The following MEPE variants were observed in gnomAD, a reference collection of about 807,000 sequenced individuals.
MEPE encodes matrix, extracellular phosphoglycoprotein with ASARM motif (bone).
In MEPE, 7 loss-of-function variants were observed where a neutral mutation model predicts 7.3. The ratio of observed to expected loss-of-function variants is 0.95; its 90% CI spans 0.54 to 1.79. MEPE has a LOEUF of 1.79. Among genes scored for constraint, MEPE ranks in the 40% most tolerant of loss-of-function variants. MEPE has a pLI of 0.00. For missense variants in MEPE, 623 were observed against 628.2 expected, an observed-to-expected ratio of 0.99 and a Z score of 0.09; for synonymous variants, 214 against 213.1, an observed-to-expected ratio of 1.00 and a Z score of -0.04.
In MEPE at chr4:87,845,519, A is replaced by G; in HGVS notation, c.651A>G (p.Gln217=). The G allele has an allele frequency of 5.0e-6, 8 of 1,613,278 alleles. No individual in the cohort carries two copies. Among genetic ancestry groups the G allele is most frequent in the Non-Finnish European group, 6.8e-6 (8 of 1,179,814 alleles). The part of the protein sequence containing the change: ...PVKSKSTHRI[Q]HNIDYLKHLS... ...AAAGCAAAAGCACCCATCGTATTCA[A>G]CACAACATTGACTACCTAAAACATC... The change falls in exon 4 of 4, where the codon CAA becomes CAG. Residue 217 remains glutamine (Q), a synonymous_variant. Transcript: ENST00000361056.
At position 87,845,549 on chromosome 4, in the gene MEPE, A is replaced by C. The variant is rs200287337; in HGVS notation, c.681A>C (p.Ser227=). The part of the protein sequence containing the change: ...QHNIDYLKHL[S]KVKKIPSDFE... ...ACATTGACTACCTAAAACATCTCTC[A>C]AAAGTCAAAAAAATCCCCAGTGATT... The change falls in exon 4 of 4, where the codon TCA becomes TCC. Residue 227 remains serine (S), a synonymous_variant. Coordinates refer to ENST00000361056, the MANE Select transcript of MEPE (RefSeq NM_020203.6). 3.7e-4 allele frequency: 601 copies of C among 1,611,974 alleles called. 2 individuals are homozygous for C. The East Asian group carries it at 0.012, about 33-fold the overall frequency.
intron 3 of MEPE, among the ~76,000 whole-genome samples, chr4:87,842,932 C>T (rs1723070202): frequency 6.6e-6 from 1 of 152,020 alleles, no homozygotes; most frequent in Admixed American, 6.6e-5. Context: ...CTGTGATACC[C>T]AATTCTCTAT....
chr4:87,834,857 A>G, intron 2 of MEPE, 89 bp downstream of exon 2: 1 of 1,049,962 alleles, frequency 9.5e-7, no homozygotes. Flanking sequence ...TTAAATTAGT[A>G]GCATCTACCT....
chr4:87,832,993 T>C lies in MEPE; in HGVS notation c.-34T>C, dbSNP rs1446019271. On this transcript the variant is annotated 5_prime_UTR_variant, in exon 1 of 4. Coordinates refer to ENST00000361056, the MANE Select transcript of MEPE (RefSeq NM_020203.6). ...TAATCCTGCAACAAGAAGCCAGGTA[T>C]TCTGAAGGTGAAAGATACCAGGTAA... 1 of 152,220 alleles carries C rather than the reference T, an allele frequency of 6.6e-6. No homozygotes were observed. Among genetic ancestry groups the C allele is most frequent in the Non-Finnish European group, 1.5e-5 (1 of 68,038 alleles). The allele number at this position is 152,220 out of a possible 1,614,324, so 9.4% of individuals were successfully genotyped here.
chr4:87,821,697 C>A (rs1172917246), intron 1 of MEPE, among the ~76,000 whole-genome samples: 4 of 152,116 alleles, frequency 2.6e-5, no homozygotes, highest in Non-Finnish European at 5.9e-5. Context: ...CCTAATGTGG[C>A]CACCTAGCCT....
Position 87,845,892 on chromosome 4 carries a change from A to C in MEPE, c.1024A>C (p.Met342Leu). Reference protein sequence around the residue: ...VSLVEGSNDIMGSTNFKELPG... With the variant: ...VSLVEGSNDILGSTNFKELPG... ...CCTTGTAGAGGGCAGCAACGATATC[A>C]TGGGTAGTACCAATTTTAAGGAGCT... Residue 342 changes from methionine (M) to leucine (L), a missense_variant, in exon 4 of 4, where the codon ATG becomes CTG. Transcript: ENST00000361056. The C allele has an allele frequency of 6.2e-7, 1 of 1,614,066 alleles. No individual in the cohort carries two copies. The highest frequency in any genetic ancestry group is 1.1e-5 in the South Asian group (1 of 91,080).
intron 1 of MEPE, among the ~76,000 whole-genome samples, chr4:87,823,635 T>G (rs1174171093): frequency 6.6e-6 from 1 of 152,242 alleles, no homozygotes; most frequent in Non-Finnish European, 1.5e-5. Context: ...AATGTTGACT[T>G]TCTTTTCATT....
At chr4:87,842,324 G>T (rs1723045600) in intron 3 of MEPE, among the ~76,000 whole-genome samples, 1 of 152,106 alleles carries the variant, frequency 6.6e-6, no homozygotes, top group Non-Finnish European at 1.5e-5. Flanking sequence ...ATGAGCTTCT[G>T]GCTGCATGCT....
upstream of MEPE, among the ~76,000 whole-genome samples, chr4:87,828,331 G>T (rs1722521774): frequency 6.6e-6 from 1 of 152,176 alleles, no homozygotes; most frequent in Non-Finnish European, 1.5e-5. Flanking sequence ...ATACAGAAAA[G>T]TATATTGTAT....
At position 87,846,568 on chromosome 4, in the gene MEPE, C is replaced by T; in HGVS notation, c.*122C>T. On this transcript the variant is annotated 3_prime_UTR_variant, in exon 4 of 4. Coordinates refer to ENST00000361056, the MANE Select transcript of MEPE (RefSeq NM_020203.6). ...AGGATAGAGTGAAGAACTGAGTGAG[C>T]CAAGAATCCTGGTCTCCTTGGGGGA... is the stretch of plus-strand genomic sequence containing the variant. 9.0e-7 allele frequency: 1 copy of T among 1,110,778 alleles called. No homozygotes were observed. The allele number at this position is 1,110,778 out of a possible 1,614,324, so 68.8% of individuals were successfully genotyped here.
chr4:87,840,057 GC>G, intron 3 of MEPE: 1 of 1,533,824 alleles, frequency 6.5e-7, no homozygotes, highest in Non-Finnish European at 8.7e-7. Context: ...GACCTCAGGT[GC>G]CCATGGACTG....
At chr4:87,838,574 G>A in intron 2 of MEPE, 58 bp from the exon 3 acceptor site, 2 of 1,447,412 alleles carry the variant, frequency 1.4e-6, no homozygotes, top group Non-Finnish European at 1.9e-6. Context: ...TTTGTTTGAA[G>A]AAGTTAATGA....
chr4:87,825,486 A>G (rs141804522), intron 1 of MEPE, among the ~76,000 whole-genome samples: 39 of 152,270 alleles, frequency 2.6e-4, no homozygotes, highest in African/African-American at 8.7e-4. Context: ...CTATTCTGCA[A>G]TGTGAGGCTG....
At chr4:87,835,615 G>T (rs1722757471) in intron 2 of MEPE, among the ~76,000 whole-genome samples, 1 of 152,174 alleles carries the variant, frequency 6.6e-6, no homozygotes, top group Admixed American at 6.6e-5. Flanking sequence ...GGGCCTCATG[G>T]AGGGCAGTGG....
At chr4:87,840,686 A>T (rs899439292) in intron 3 of MEPE, among the ~76,000 whole-genome samples, 1 of 152,198 alleles carries the variant, frequency 6.6e-6, no homozygotes, top group African/African-American at 2.4e-5. Flanking sequence ...GGGAGGTGCT[A>T]TGTGAGTAGT....
intron 1 of MEPE, among the ~76,000 whole-genome samples, chr4:87,823,625 A>C (rs1722396532): frequency 6.6e-6 from 1 of 152,214 alleles, no homozygotes; most frequent in Admixed American, 6.5e-5. Context: ...TAAGAAAACA[A>C]ATGTTGACTT....
chr4:87,845,293 A>G lies in MEPE; in HGVS notation c.425A>G (p.Tyr142Cys), dbSNP rs989149326. 1.9e-6 allele frequency: 3 copies of G among 1,613,940 alleles called. No individual in the cohort carries two copies. The highest frequency in any genetic ancestry group is 2.5e-6 in the Non-Finnish European group (3 of 1,179,972). Residue 142 changes from tyrosine (Y) to cysteine (C), a missense_variant, in exon 4 of 4, where the codon TAT becomes TGT. Tyr to Cys is a radical substitution (Grantham distance 194). Transcript: ENST00000361056. Reference protein sequence around the residue: ...AISKLHDQEEYGAALIRNNMQ... With the variant: ...AISKLHDQEECGAALIRNNMQ... ...AGCAAACTACATGACCAAGAAGAATATGGCGCAGCTCTCATCAGAAATAAC... is the reference window on the plus strand; with the variant it reads ...AGCAAACTACATGACCAAGAAGAATGTGGCGCAGCTCTCATCAGAAATAAC...
At chr4:87,839,023 C>T (rs916176117) in intron 3 of MEPE, among the ~76,000 whole-genome samples, 1 of 152,106 alleles carries the variant, frequency 6.6e-6, no homozygotes, top group Non-Finnish European at 1.5e-5. Flanking sequence ...CACACATGTA[C>T]CTGACAAACA....
chr4:87,822,287 G>A (rs1482724975), intron 1 of MEPE, among the ~76,000 whole-genome samples: 1 of 152,058 alleles, frequency 6.6e-6, no homozygotes, highest in African/African-American at 2.4e-5. Flanking sequence ...TGCTTTCCAG[G>A]ATAACCCATC....
Sources: gnomAD v4.1 joint callset for allele counts (sites outside exome capture counted in the v4.1 genomes callset) on GRCh38, gnomAD v4.1.1 for gene constraint, MANE v1.5 for transcripts, NCBI Gene and HGNC (gene_info 2026-07-23, HGNC 2026-07-21) for gene names.